EDA: variants seen among roughly 807,000 people sequenced by gnomAD.
The protein encoded by EDA is ectodysplasin A, also known as ectodysplasin-A.
Under a neutral mutation model 23.6 loss-of-function variants are expected in EDA, and 2 were observed. The ratio of observed to expected loss-of-function variants is 0.08; its 90% CI spans 0.03 to 0.27. The LOEUF is 0.27. Ranked by LOEUF, EDA falls within the 10% of genes least tolerant of loss-of-function variation. The pLI is 1.00. For synonymous variants in EDA, 131 were observed against 132.0 expected (o/e 0.99, Z 0.05); for missense variants, 229 against 324.2 (o/e 0.71, Z 2.26).
At chrX:69,676,906 C>A (rs1039716614) in intron 1 of EDA, among the ~76,000 whole-genome samples, 1 of 105,532 alleles carries the variant, frequency 9.5e-6, no homozygotes, top group African/African-American at 3.5e-5. Flanking sequence ...TATACATGTG[C>A]CATGCTGGTG....
At chrX:69,623,729 A>G (rs1932276926) in intron 1 of EDA, among the ~76,000 whole-genome samples, 1 of 108,351 alleles carries the variant, frequency 9.2e-6, no homozygotes. Context: ...CTTCACAGGA[A>G]CAATGCAAGG....
At chrX:69,971,079 A>G (rs1004594380) in intron 2 of EDA, among the ~76,000 whole-genome samples, 1 of 112,186 alleles carries the variant, frequency 8.9e-6, no homozygotes, top group East Asian at 2.8e-4. Flanking sequence ...CCAAATATAT[A>G]TCAGAATCTG....
chrX:69,653,766 A>G (rs1360985921), intron 1 of EDA, among the ~76,000 whole-genome samples: 7 of 111,516 alleles, frequency 6.3e-5, no homozygotes, highest in African/African-American at 1.6e-4. Flanking sequence ...GCTGAAACTG[A>G]ATCCCTTCCT....
chrX:69,929,559 T>G (rs925496233), intron 1 of EDA, among the ~76,000 whole-genome samples: 1 of 110,163 alleles, frequency 9.1e-6, no homozygotes, highest in African/African-American at 3.3e-5. Context: ...TGCTCCTAGT[T>G]GCCGATTGTT....
At chrX:69,823,041 G>T (rs779451731) in intron 1 of EDA, among the ~76,000 whole-genome samples, 9 of 98,806 alleles carry the variant, frequency 9.1e-5, no homozygotes, top group African/African-American at 2.3e-4. Context: ...ATTTTTTATG[G>T]CTGCATAGTA....
chrX:69,703,534 T>C (rs1244596447), intron 1 of EDA, among the ~76,000 whole-genome samples: 1 of 112,422 alleles, frequency 8.9e-6, no homozygotes, highest in African/African-American at 3.2e-5. Context: ...AATGAGCGCC[T>C]GGGTGCAGAC....
chrX:70,024,753 ACT>A (rs200234076), intron 3 of EDA, among the ~76,000 whole-genome samples: 2 of 110,954 alleles, frequency 1.8e-5, no homozygotes, highest in South Asian at 7.6e-4. Flanking sequence ...TCCTTCCACA[ACT>A]CTCTCTCACT....
At chrX:69,715,284 C>A (rs1662235298) in intron 1 of EDA, among the ~76,000 whole-genome samples, 1 of 109,997 alleles carries the variant, frequency 9.1e-6, no homozygotes, top group South Asian at 4.0e-4. Context: ...ACATTCCCCT[C>A]TTTGTGTCCG....
At chrX:69,724,772 A>G (rs1192654812) in intron 1 of EDA, among the ~76,000 whole-genome samples, 1 of 112,320 alleles carries the variant, frequency 8.9e-6, no homozygotes, top group Non-Finnish European at 1.9e-5. Context: ...TCACGCAAGT[A>G]ACTAGGCATT....
At chrX:69,755,603 A>G (rs1185549266) in intron 1 of EDA, among the ~76,000 whole-genome samples, 1 of 112,237 alleles carries the variant, frequency 8.9e-6, no homozygotes, top group Non-Finnish European at 1.9e-5. Context: ...TCAGACAGAG[A>G]CATTTAAGTC....
rs751776804 is a variant in EDA at position 69,884,184 on chromosome X, A to G, written c.397-72843A>G. ...AAATATAGATAGTAGTAGTTGACAT[A>G]TTTCCTCAAAAAGCAGCCAGGAAAC... On this transcript the variant is annotated intron_variant, in intron 1 of 7. Coordinates refer to ENST00000374552, the MANE Select transcript of EDA (RefSeq NM_001399.5). Among the ~76,000 whole-genome samples the G allele has an allele frequency of 6.2e-5, 7 of 112,225 alleles. No homozygotes were observed. In the East Asian group the frequency reaches 1.7e-3, roughly 27 times the overall value.
At chrX:69,782,373 A>AC (rs2147447997) in intron 1 of EDA, among the ~76,000 whole-genome samples, 1 of 48,877 alleles carries the variant, frequency 2.0e-5, no homozygotes, top group African/African-American at 4.7e-5. Context: ...TCTTAAAAAA[A>AC]AAAAAAAAAA....
chrX:69,992,739 A>G (rs5936817), intron 2 of EDA, among the ~76,000 whole-genome samples: 7,878 of 111,403 alleles, frequency 0.071, 291 homozygotes, highest in Middle Eastern at 0.15. Context: ...CCAAAATCAT[A>G]CCAGTCTATA....
intron 2 of EDA, among the ~76,000 whole-genome samples, chrX:69,966,107 C>T (rs185588916): frequency 8.9e-6 from 1 of 112,053 alleles, no homozygotes; most frequent in East Asian, 2.8e-4. Flanking sequence ...TACCTAAATA[C>T]ATTAGCAACA....
rs773157728 is a variant in EDA, at chrX:69,860,914, T to A, written c.397-96113T>A. ...ACTCTCAGCACCTTCACTCTGAAGA[T>A]CTGTTAAAAGCACACGAGTCGTCTC... On this transcript the variant is annotated intron_variant, in intron 1 of 7. Coordinates refer to ENST00000374552, the MANE Select transcript of EDA (RefSeq NM_001399.5). The A allele has an allele frequency of 6.7e-5, 35 of 522,655 alleles. No individual in the cohort carries two copies. The Admixed American group carries it at 8.3e-4, about 12-fold the overall frequency. The allele number at this position is 522,655 out of a possible 1,213,427, so 43.1% of individuals were successfully genotyped here. A position where few individuals can be genotyped will look rare whatever the true frequency, so the allele number is the denominator to read the frequency against.
In EDA at chrX:69,973,071, T is replaced by C. The variant is rs193043374; in HGVS notation, c.502+15939T>C. Among the ~76,000 whole-genome samples, 5 of 111,866 alleles carry C rather than the reference T, an allele frequency of 4.5e-5. No individual in the cohort carries two copies. In the East Asian group the frequency reaches 1.4e-3, roughly 31 times the overall value. ...TTCTTAATTATGAACTTGCATGCAG[T>C]CTGGGACAGAAAAACAGAAAACTCC... On this transcript the variant is annotated intron_variant, in intron 2 of 7. Coordinates refer to ENST00000374552, the MANE Select transcript of EDA (RefSeq NM_001399.5).
rs2020274499 is a variant in EDA, at chrX:70,036,801, C to A, written c.*1192C>A. On this transcript the variant is annotated 3_prime_UTR_variant, in exon 8 of 8. Coordinates refer to ENST00000374552, the MANE Select transcript of EDA (RefSeq NM_001399.5). The stretch of plus-strand genomic sequence containing the variant: ...GGGATTTTGTTCAAGTTTGCTGCAA[C>A]CCAAGTGGACGTTAGGCCAGGCCTT... 8.9e-6 allele frequency: 1 copy of A among 112,690 alleles called. No homozygotes were observed. 9.3% of individuals were successfully genotyped at this position (112,690 alleles called of 1,213,427 possible).
intron 1 of EDA, among the ~76,000 whole-genome samples, chrX:69,873,148 T>C (rs192461304): frequency 1.8e-5 from 2 of 112,125 alleles, no homozygotes; most frequent in African/African-American, 3.2e-5. Flanking sequence ...TGAGTGATCA[T>C]TGGGTTAAGA....
intron 1 of EDA, among the ~76,000 whole-genome samples, chrX:69,659,849 TG>T (rs1456524228): frequency 5.4e-5 from 6 of 111,568 alleles, no homozygotes; most frequent in Non-Finnish European, 1.1e-4. Context: ...TGCAGGTTTC[TG>T]GGCCTGAACC....
Sources: allele counts gnomAD v4.1 joint callset (sites outside exome capture counted in the v4.1 genomes callset), GRCh38; gene constraint gnomAD v4.1.1; transcripts MANE v1.5; gene names NCBI Gene and HGNC (gene_info 2026-07-23, HGNC 2026-07-21).